Variants in WDR49 observed in about 807,000 individuals in gnomAD.
WDR49 encodes cilia- and flagella-associated protein 337.
Under a neutral mutation model 119.5 loss-of-function variants are expected in WDR49, and 107 were observed. The ratio of observed to expected loss-of-function variants is 0.90; its 90% CI spans 0.77 to 1.05. The LOEUF is 1.05. Among genes scored for constraint, WDR49 ranks in the 50% least tolerant of loss-of-function variants. The probability of loss-of-function intolerance (pLI) is 0.00; values close to 1 mark genes in which losing one functional copy is unlikely to be tolerated. For missense variants in WDR49, 1,240 were observed against 1,220.5 expected (o/e 1.02, Z -0.24); for synonymous variants, 425 against 418.8 (o/e 1.01, Z -0.18).
intron 10 of WDR49, among the ~76,000 whole-genome samples, chr3:167,538,149 T>A (rs1464076155): frequency 6.6e-6 from 1 of 152,164 alleles, no homozygotes; most frequent in Non-Finnish European, 1.5e-5. Context: ...AGTTCCAATG[T>A]CACTGCTATA....
intron 10 of WDR49, among the ~76,000 whole-genome samples, chr3:167,553,884 T>A (rs1342739584): frequency 6.6e-6 from 1 of 152,160 alleles, no homozygotes; most frequent in Non-Finnish European, 1.5e-5. Context: ...CTCTTCCCTG[T>A]GATTGATAAA....
At chr3:167,555,578 G>A (rs1404715992) in intron 9 of WDR49, among the ~76,000 whole-genome samples, 1 of 152,092 alleles carries the variant, frequency 6.6e-6, no homozygotes, top group East Asian at 1.9e-4. Context: ...TTGTGGGACT[G>A]AGCCCTCAAC....
chr3:167,621,344 T>A, intron 4 of WDR49, 123 bp downstream of exon 4: 1 of 994,144 alleles, frequency 1.0e-6, no homozygotes, highest in East Asian at 2.8e-5. Context: ...CCATGTCCAA[T>A]GTGCATGTAA....
chr3:167,616,548 T>A (rs925008750), intron 5 of WDR49, among the ~76,000 whole-genome samples: 1 of 151,666 alleles, frequency 6.6e-6, no homozygotes, highest in Non-Finnish European at 1.5e-5. Context: ...AAACAAAGAT[T>A]AGCGTTAGAG....
intron 10 of WDR49, among the ~76,000 whole-genome samples, chr3:167,542,674 A>G (rs973877898): frequency 1.3e-5 from 2 of 152,078 alleles, no homozygotes; most frequent in Non-Finnish European, 2.9e-5. Flanking sequence ...TTAAATACCT[A>G]TATCAAAAAG....
chr3:167,581,677 C>T (rs1714537123), intron 7 of WDR49, among the ~76,000 whole-genome samples: 1 of 152,030 alleles, frequency 6.6e-6, no homozygotes, highest in Admixed American at 6.6e-5. Context: ...TGAAATAAAG[C>T]TTTTCTTCTG....
At chr3:167,518,542 G>C (rs1177723307) in intron 16 of WDR49, among the ~76,000 whole-genome samples, 5 of 151,804 alleles carry the variant, frequency 3.3e-5, no homozygotes. Flanking sequence ...CTTTTGAGAA[G>C]TGTCTGTTCA....
intron 7 of WDR49, among the ~76,000 whole-genome samples, chr3:167,593,581 T>C (rs1432453409): frequency 6.6e-6 from 1 of 152,112 alleles, no homozygotes; most frequent in Non-Finnish European, 1.5e-5. Flanking sequence ...TGGTCACATA[T>C]CTCTGTTTCT....
At chr3:167,493,366 ACT>A (rs1365394313) in intron 18 of WDR49, among the ~76,000 whole-genome samples, 1 of 151,954 alleles carries the variant, frequency 6.6e-6, no homozygotes, top group Non-Finnish European at 1.5e-5. Context: ...CAACTGTGTG[ACT>A]CTTCCCTGTG....
chr3:167,574,375 C>A (rs1714122159), intron 8 of WDR49, among the ~76,000 whole-genome samples: 1 of 152,136 alleles, frequency 6.6e-6, no homozygotes, highest in Admixed American at 6.5e-5. Context: ...TACTTTTCTG[C>A]AATACATTTT....
chr3:167,611,507 A>G (rs2108314155), intron 5 of WDR49, among the ~76,000 whole-genome samples: 1 of 152,328 alleles, frequency 6.6e-6, no homozygotes, highest in Non-Finnish European at 1.5e-5. Flanking sequence ...TAAATGGATT[A>G]AACTCTTTAA....
chr3:167,590,994 G>C (rs1225678777), intron 7 of WDR49, among the ~76,000 whole-genome samples: 1 of 151,632 alleles, frequency 6.6e-6, no homozygotes, highest in East Asian at 1.9e-4. Flanking sequence ...AATTCTTTAA[G>C]AGGCACCATT....
chr3:167,505,354 T>C lies in WDR49; in HGVS notation c.2837A>G (p.Lys946Arg). ...ACCATAATAAGGTTTTTGTGTTTCT[T>C]TCATGCAGGTACTTCTTTCCTTATA... ...IKYKERSTCM[K>R]ETQKPYYGEV... Residue 946 changes from lysine (K) to arginine (R), a missense_variant, in exon 17 of 19, where the codon AAA becomes AGA. Coordinates refer to ENST00000682715, the MANE Select transcript of WDR49 (RefSeq NM_001366157.1). 1 of 1,537,726 alleles carries C rather than the reference T, an allele frequency of 6.5e-7. No homozygotes were observed. Among genetic ancestry groups the C allele is most frequent in the Non-Finnish European group, 8.7e-7 (1 of 1,150,690 alleles).
chr3:167,594,263 T>A (rs1003148085), intron 7 of WDR49, among the ~76,000 whole-genome samples: 1 of 152,172 alleles, frequency 6.6e-6, no homozygotes, highest in Admixed American at 6.5e-5. Context: ...CTTAGAGACT[T>A]GTCAAATTGT....
At chr3:167,614,170 C>T (rs1321349001) in intron 5 of WDR49, among the ~76,000 whole-genome samples, 2 of 152,076 alleles carry the variant, frequency 1.3e-5, no homozygotes, top group African/African-American at 4.8e-5. Flanking sequence ...GGCGCAATCT[C>T]GGCTCACTGC....
At chr3:167,645,532 G>T (rs773537264) in intron 2 of WDR49, among the ~76,000 whole-genome samples, 1 of 152,050 alleles carries the variant, frequency 6.6e-6, no homozygotes. Flanking sequence ...AATAATACAA[G>T]GATTGCTAAA....
chr3:167,564,532 A>C (rs1386040554), intron 8 of WDR49, among the ~76,000 whole-genome samples: 1 of 152,208 alleles, frequency 6.6e-6, no homozygotes, highest in African/African-American at 2.4e-5. Context: ...GCCACCTTTT[A>C]ATGATACCAA....
At chr3:167,498,425 G>A (rs1751440551) in intron 18 of WDR49, among the ~76,000 whole-genome samples, 1 of 152,156 alleles carries the variant, frequency 6.6e-6, no homozygotes, top group African/African-American at 2.4e-5. Flanking sequence ...ACAGAGAAGA[G>A]GGAAATGGCA....
chr3:167,643,516 G>C (rs1234347412), intron 2 of WDR49, among the ~76,000 whole-genome samples: 2 of 152,098 alleles, frequency 1.3e-5, no homozygotes, highest in East Asian at 3.9e-4. Context: ...GTATAATTCT[G>C]TATTGGATCT....
Sources: allele counts gnomAD v4.1 joint callset (sites outside exome capture counted in the v4.1 genomes callset), GRCh38; gene constraint gnomAD v4.1.1; transcripts MANE v1.5; gene names NCBI Gene and HGNC (gene_info 2026-07-23, HGNC 2026-07-21).